Variants in LRRC7 observed in about 807,000 individuals in gnomAD.
LRRC7 encodes leucine rich repeat containing 7.
Under a neutral mutation model 175.7 loss-of-function variants are expected in LRRC7, and 23 were observed. The observed-to-expected ratio is 0.13, with a 90% CI of 0.09 to 0.19. The LOEUF (loss-of-function observed/expected upper bound fraction) is 0.19, where lower values mean the gene tolerates loss of function less well. Ranked by LOEUF, LRRC7 falls within the 10% of genes least tolerant of loss-of-function variation. The pLI is 1.00. For missense variants in LRRC7, 1,354 were observed against 1,904.7 expected, an observed-to-expected ratio of 0.71 and a Z score of 5.38; for synonymous variants, 685 against 680.9, an observed-to-expected ratio of 1.01 and a Z score of -0.09.
chr1:69,862,663 A>C (rs918726558), intron 7 of LRRC7, among the ~76,000 whole-genome samples: 1 of 152,214 alleles, frequency 6.6e-6, no homozygotes, highest in African/African-American at 2.4e-5. Context: ...TCACCTAGAG[A>C]ACATTATTGT....
rs568759645 is a variant in LRRC7, at chr1:69,881,141, G to A, written c.647+42858G>A. Among the ~76,000 whole-genome samples, 8 of 152,204 alleles carry A rather than the reference G, an allele frequency of 5.3e-5. No individual in the cohort carries two copies. In the East Asian group the frequency reaches 5.8e-4, roughly 11 times the overall value. On this transcript the variant is annotated intron_variant, in intron 7 of 26. Coordinates refer to ENST00000651989, the MANE Select transcript of LRRC7 (RefSeq NM_001370785.2). ...CTGCTTTCTTGAGCTCTTTGAAAGC[G>A]GGACTATGTCTTATTCATCATTATA...
chr1:70,070,708 C>G (rs2102113648), intron 23 of LRRC7, among the ~76,000 whole-genome samples: 1 of 152,264 alleles, frequency 6.6e-6, no homozygotes, highest in Middle Eastern at 3.4e-3. Context: ...CTCATCATTG[C>G]TAAGTGAGGA....
intron 2 of LRRC7, among the ~76,000 whole-genome samples, chr1:69,748,919 A>G (rs1315760900): frequency 6.6e-6 from 1 of 152,100 alleles, no homozygotes; most frequent in African/African-American, 2.4e-5. Flanking sequence ...TACCTTATGA[A>G]AGTTAGATCT....
At chr1:70,096,345 G>C (rs1199363952) in intron 25 of LRRC7, among the ~76,000 whole-genome samples, 1 of 152,154 alleles carries the variant, frequency 6.6e-6, no homozygotes, top group Non-Finnish European at 1.5e-5. Context: ...CTAAGTATCT[G>C]ATTCTAAGTA....
intron 7 of LRRC7, among the ~76,000 whole-genome samples, chr1:69,886,126 A>T (rs557230605): frequency 6.6e-6 from 1 of 151,694 alleles, no homozygotes; most frequent in Non-Finnish European, 1.5e-5. Context: ...GTAGATGTCT[A>T]TTAGGTCCGG....
At chr1:69,582,498 T>C (rs1352174119) in intron 1 of LRRC7, among the ~76,000 whole-genome samples, 1 of 152,188 alleles carries the variant, frequency 6.6e-6, no homozygotes, top group East Asian at 1.9e-4. Flanking sequence ...CAATGAAAGC[T>C]TCTGCTCACA....
At chr1:70,015,951 G>A (rs1656927513) in intron 13 of LRRC7, among the ~76,000 whole-genome samples, 1 of 152,086 alleles carries the variant, frequency 6.6e-6, no homozygotes, top group South Asian at 2.1e-4. Flanking sequence ...AAAAATAAAT[G>A]TATAATTTAA....
intron 3 of LRRC7, among the ~76,000 whole-genome samples, chr1:69,763,830 A>C (rs916508913): frequency 7.2e-5 from 11 of 152,046 alleles, no homozygotes; most frequent in African/African-American, 2.7e-4. Context: ...TTGAGTTGTT[A>C]TTCAGATTTG....
intron 7 of LRRC7, among the ~76,000 whole-genome samples, chr1:69,917,217 T>C (rs1557885970): frequency 6.6e-6 from 1 of 152,212 alleles, no homozygotes; most frequent in African/African-American, 2.4e-5. Context: ...ATAGTTAGCA[T>C]TACTGATGGA....
chr1:69,781,626 G>A (rs1429742098), intron 3 of LRRC7, among the ~76,000 whole-genome samples: 4 of 148,388 alleles, frequency 2.7e-5, no homozygotes, highest in African/African-American at 1.0e-4. Flanking sequence ...AGGTTGCAGT[G>A]AGCTGAGATC....
chr1:69,837,084 A>T (rs1347516574), intron 6 of LRRC7, among the ~76,000 whole-genome samples: 1 of 151,922 alleles, frequency 6.6e-6, no homozygotes, highest in Non-Finnish European at 1.5e-5. Context: ...TGTGTCCTAG[A>T]CTGCAAAACT....
chr1:69,871,058 T>A (rs754648385), intron 7 of LRRC7, among the ~76,000 whole-genome samples: 19 of 151,348 alleles, frequency 1.3e-4, no homozygotes, highest in Non-Finnish European at 1.0e-4. Context: ...ATTCATTGAC[T>A]TTTAATAATG....
At chr1:69,642,660 G>A (rs1047453617) in intron 1 of LRRC7, among the ~76,000 whole-genome samples, 1 of 151,950 alleles carries the variant, frequency 6.6e-6, no homozygotes, top group Non-Finnish European at 1.5e-5. Flanking sequence ...ATAAAATCAT[G>A]CCAGTTAAAA....
chr1:69,745,486 T>C (rs1382112926), intron 2 of LRRC7, among the ~76,000 whole-genome samples: 2 of 151,980 alleles, frequency 1.3e-5, no homozygotes, highest in Non-Finnish European at 2.9e-5. Context: ...GTTTATATTT[T>C]AGGTTGTTTA....
chr1:69,710,158 G>A (rs1372925975), intron 2 of LRRC7, among the ~76,000 whole-genome samples: 5 of 151,036 alleles, frequency 3.3e-5, no homozygotes, highest in Non-Finnish European at 5.9e-5. Flanking sequence ...GGTGCTTGTA[G>A]TCCCAAGGTA....
Position 69,737,284 on chromosome 1 carries a change from C to T in LRRC7, c.101-22907C>T, listed in dbSNP as rs1668224231. Among the ~76,000 whole-genome samples the T allele has an allele frequency of 2.6e-5, 4 of 151,988 alleles. No homozygotes were observed. In the South Asian group the frequency reaches 8.3e-4, roughly 32 times the overall value. ...CAATGGGTTTTTCCCATGCTGTTCT[C>T]GTGATAGTAAGTCTCACGAGATCTG... is the stretch of plus-strand genomic sequence containing the variant. On this transcript the variant is annotated intron_variant, in intron 2 of 26. Transcript: ENST00000651989.
Position 69,909,683 on chromosome 1 carries a change from T to C in LRRC7, c.648-21824T>C, listed in dbSNP as rs577909051. On this transcript the variant is annotated intron_variant, in intron 7 of 26. Coordinates refer to ENST00000651989, the MANE Select transcript of LRRC7 (RefSeq NM_001370785.2). ...TTCCCTTTGAGGGTAACCCGACCTT[T>C]CTCTCTGGCTGCCTTTAACATTTTT... is the stretch of plus-strand genomic sequence containing the variant. Among the ~76,000 whole-genome samples the C allele has an allele frequency of 4.6e-5, 7 of 152,240 alleles. No homozygotes were observed. In the East Asian group the frequency reaches 1.2e-3, roughly 25 times the overall value.
At chr1:69,604,535 A>G (rs1647232007) in intron 1 of LRRC7, among the ~76,000 whole-genome samples, 1 of 152,180 alleles carries the variant, frequency 6.6e-6, no homozygotes, top group African/African-American at 2.4e-5. Flanking sequence ...AACTTGATTT[A>G]GTGATTTGGT....
rs1666389992 is a variant in LRRC7 at position 70,125,159 on chromosome 1, T to G, written c.*3272T>G. Among the ~76,000 whole-genome samples, 1 of 152,218 alleles carries G rather than the reference T, an allele frequency of 6.6e-6. No homozygotes were observed. Among genetic ancestry groups the G allele is most frequent in the Non-Finnish European group, 1.5e-5 (1 of 68,028 alleles). On this transcript the variant is annotated 3_prime_UTR_variant, in exon 27 of 27. Coordinates refer to ENST00000651989, the MANE Select transcript of LRRC7 (RefSeq NM_001370785.2). ...TCAAAGTCAGTATGAAATAAAACAT[T>G]ATGCTAATGTATTGCTCATTGAAGC... is the stretch of plus-strand genomic sequence containing the variant.
Sources: allele counts gnomAD v4.1 joint callset (sites outside exome capture counted in the v4.1 genomes callset), GRCh38; gene constraint gnomAD v4.1.1; transcripts MANE v1.5; gene names NCBI Gene and HGNC (gene_info 2026-07-23, HGNC 2026-07-21).